The following CCNY variants were observed in gnomAD, a reference collection of about 807,000 sequenced individuals.
CCNY encodes the protein cyclin-Y.
Under a neutral mutation model 42.8 loss-of-function variants are expected in CCNY, and 19 were observed. The observed-to-expected ratio is 0.44, with a 90% confidence interval of 0.31 to 0.65. The LOEUF (loss-of-function observed/expected upper bound fraction) is 0.65, where lower values mean the gene tolerates loss of function less well. CCNY is among the 30% of genes least tolerant of loss of function. The pLI, the probability that CCNY is intolerant of heterozygous loss-of-function variation, is 0.07. For synonymous variants in CCNY, 165 were observed against 162.7 expected, an observed-to-expected ratio of 1.01 and a Z score of -0.11; for missense variants, 370 against 437.3, an observed-to-expected ratio of 0.85 and a Z score of 1.37.
At chr10:35,344,840 C>T (rs534015513) in intron 1 of CCNY, among the ~76,000 whole-genome samples, 7 of 152,080 alleles carry the variant, frequency 4.6e-5, no homozygotes, top group South Asian at 2.1e-4. Flanking sequence ...GTTTTTTGTC[C>T]GTGCGATAGT....
chr10:35,323,709 A>G (rs1835848172), intron 3 of CCNY, among the ~76,000 whole-genome samples: 1 of 152,016 alleles, frequency 6.6e-6, no homozygotes, highest in African/African-American at 2.4e-5. Context: ...ACATGCGTAT[A>G]TTACTTTCTC....
chr10:35,283,849 C>T (rs981507377), intron 3 of CCNY, among the ~76,000 whole-genome samples: 2 of 152,054 alleles, frequency 1.3e-5, no homozygotes, highest in Non-Finnish European at 2.9e-5. Context: ...ATTGGGAGGC[C>T]GAGGAGGGCG....
intron 1 of CCNY, among the ~76,000 whole-genome samples, chr10:35,476,392 T>G (rs1352633943): frequency 1.3e-5 from 2 of 151,788 alleles, no homozygotes; most frequent in East Asian, 3.9e-4. Flanking sequence ...GAAGTAAAGC[T>G]CTCCTCAGCA....
chr10:35,348,885 G>C (rs971816192), intron 1 of CCNY, among the ~76,000 whole-genome samples: 47 of 151,720 alleles, frequency 3.1e-4, no homozygotes, highest in Admixed American at 3.0e-3. Context: ...ATCTAAGTTG[G>C]GTTTTTTTTT....
intron 4 of CCNY, among the ~76,000 whole-genome samples, chr10:35,525,467 A>T (rs1840633858): frequency 6.6e-6 from 1 of 152,224 alleles, no homozygotes; most frequent in African/African-American, 2.4e-5. Context: ...TTACAGTACC[A>T]TTTCAGCAAG....
intron 1 of CCNY, among the ~76,000 whole-genome samples, chr10:35,388,457 C>T (rs996308627): frequency 6.6e-6 from 1 of 152,198 alleles, no homozygotes; most frequent in East Asian, 1.9e-4. Flanking sequence ...GAAAGATGTT[C>T]TGGGAGCAGG....
intron 3 of CCNY, among the ~76,000 whole-genome samples, chr10:35,303,911 C>G (rs1052764299): frequency 6.6e-6 from 1 of 151,184 alleles, no homozygotes; most frequent in Non-Finnish European, 1.5e-5. Flanking sequence ...GATTAAAAGA[C>G]AAACAAGAGC....
chr10:35,376,402 A>G (rs957056770), intron 1 of CCNY, among the ~76,000 whole-genome samples: 12 of 152,248 alleles, frequency 7.9e-5, no homozygotes, highest in Admixed American at 6.5e-4. Flanking sequence ...AGGTGAAGAC[A>G]ACTCAAATGT....
chr10:35,396,365 C>T (rs1347839591), intron 1 of CCNY, among the ~76,000 whole-genome samples: 1 of 152,226 alleles, frequency 6.6e-6, no homozygotes, highest in Non-Finnish European at 1.5e-5. Context: ...CTGTGCTCTG[C>T]TCCCCACCCT....
chr10:35,444,328 A>T (rs1230598295), intron 1 of CCNY, among the ~76,000 whole-genome samples: 1 of 150,608 alleles, frequency 6.6e-6, no homozygotes, highest in Non-Finnish European at 1.5e-5. Flanking sequence ...GCTCACTGCA[A>T]CCTCTGCCCC....
intron 3 of CCNY, among the ~76,000 whole-genome samples, chr10:35,514,748 C>T (rs1409612643): frequency 6.6e-6 from 1 of 152,134 alleles, no homozygotes; most frequent in African/African-American, 2.4e-5. Flanking sequence ...TGTCCTTTTC[C>T]TTCATTGTTG....
chr10:35,321,842 G>A (rs1209202946), intron 3 of CCNY, among the ~76,000 whole-genome samples: 1 of 152,116 alleles, frequency 6.6e-6, no homozygotes, highest in Non-Finnish European at 1.5e-5. Context: ...ATTATTAAAG[G>A]ATCAACATTT....
intron 3 of CCNY, among the ~76,000 whole-genome samples, chr10:35,329,843 T>C (rs1327971544): frequency 1.3e-5 from 2 of 152,104 alleles, no homozygotes; most frequent in Non-Finnish European, 2.9e-5. Flanking sequence ...TTAAAAACAA[T>C]GAGAAGCTAC....
At chr10:35,440,667 G>A (rs1401401019) in intron 1 of CCNY, among the ~76,000 whole-genome samples, 2 of 152,236 alleles carry the variant, frequency 1.3e-5, no homozygotes, top group African/African-American at 4.8e-5. Context: ...ACCTGTGGGA[G>A]AGAACTTCAG....
At chr10:35,298,494 T>C (rs1835496973) in intron 3 of CCNY, among the ~76,000 whole-genome samples, 2 of 152,154 alleles carry the variant, frequency 1.3e-5, no homozygotes, top group Admixed American at 1.3e-4. Flanking sequence ...CTCATTTGTA[T>C]TGTTGAGTAT....
chr10:35,288,724 G>T (rs549662004), intron 3 of CCNY, among the ~76,000 whole-genome samples: 39 of 152,246 alleles, frequency 2.6e-4, no homozygotes, highest in African/African-American at 9.4e-4. Flanking sequence ...ACAACCATTT[G>T]TTAGAAGGAA....
intron 3 of CCNY, among the ~76,000 whole-genome samples, chr10:35,252,389 C>A (rs1164594419): frequency 6.6e-6 from 1 of 151,774 alleles, no homozygotes; most frequent in South Asian, 2.1e-4. Context: ...CATGGTGAAA[C>A]CCCGTCTCTA....
chr10:35,307,350 C>T (rs950814595), intron 3 of CCNY, among the ~76,000 whole-genome samples: 8 of 152,222 alleles, frequency 5.3e-5, no homozygotes, highest in Non-Finnish European at 7.3e-5. Flanking sequence ...CCAGGTGTGG[C>T]GGCTCACGCG....
intron 1 of CCNY, among the ~76,000 whole-genome samples, chr10:35,429,790 A>G (rs1838345261): frequency 6.6e-6 from 1 of 152,230 alleles, no homozygotes; most frequent in African/African-American, 2.4e-5. Context: ...TGTTGTTGCT[A>G]CAACAGGTGT....
Sources: allele counts gnomAD v4.1 joint callset (sites outside exome capture counted in the v4.1 genomes callset), GRCh38; gene constraint gnomAD v4.1.1; transcripts MANE v1.5; gene names NCBI Gene and HGNC (gene_info 2026-07-23, HGNC 2026-07-21).